DAB1: variants seen among roughly 807,000 people sequenced by gnomAD.
DAB1 encodes DAB adaptor protein 1, also known as disabled homolog 1.
A neutral mutation model predicts 64.6 loss-of-function variants in DAB1; 15 were observed. That is an observed-to-expected ratio of 0.23 (90% confidence interval 0.16 to 0.36). DAB1 has a LOEUF of 0.36. DAB1 is among the 10% of genes least tolerant of loss of function. The pLI is 1.00. For synonymous variants in DAB1, 235 were observed against 251.9 expected (o/e 0.93, Z 0.64); for missense variants, 596 against 706.7 (o/e 0.84, Z 1.78).
intron 5 of DAB1, among the ~76,000 whole-genome samples, chr1:58,065,381 A>C (rs969747117): frequency 6.6e-6 from 1 of 152,244 alleles, no homozygotes; most frequent in Non-Finnish European, 1.5e-5. Flanking sequence ...TCAAGTATAC[A>C]ATACAGTATT....
At chr1:57,001,285 G>A (rs1460798667) in intron 14 of DAB1, among the ~76,000 whole-genome samples, 2 of 151,814 alleles carry the variant, frequency 1.3e-5, no homozygotes, top group Non-Finnish European at 2.9e-5. Context: ...ACATGCTGTT[G>A]ATGTTTTTGT....
chr1:58,498,274 C>T (rs1645839031), intron 3 of DAB1, among the ~76,000 whole-genome samples: 1 of 151,734 alleles, frequency 6.6e-6, no homozygotes, highest in Admixed American at 6.6e-5. Flanking sequence ...CATTGTCTTC[C>T]ATTCTCCTCT....
upstream of DAB1, among the ~76,000 whole-genome samples, chr1:57,884,573 G>A (rs1460405005): frequency 6.6e-6 from 1 of 152,216 alleles, no homozygotes; most frequent in African/African-American, 2.4e-5. Context: ...TAAAGAAAAT[G>A]TATATTTTAA....
intron 1 of DAB1, among the ~76,000 whole-genome samples, chr1:57,373,334 C>T (rs1225048088): frequency 2.0e-5 from 3 of 152,138 alleles, no homozygotes; most frequent in Non-Finnish European, 4.4e-5. Flanking sequence ...TAAATTTTAA[C>T]AACACATAAC....
chr1:58,158,516 CA>C (rs1655339280), intron 4 of DAB1, among the ~76,000 whole-genome samples: 1 of 152,166 alleles, frequency 6.6e-6, no homozygotes, highest in Non-Finnish European at 1.5e-5. Flanking sequence ...TCCAATCTCA[CA>C]CCCCAGACAA....
intron 7 of DAB1, among the ~76,000 whole-genome samples, chr1:57,518,768 C>T (rs1644492020): frequency 6.6e-6 from 1 of 152,206 alleles, no homozygotes; most frequent in Non-Finnish European, 1.5e-5. Flanking sequence ...AAACTAGTCT[C>T]ACATACCCTC....
At chr1:58,180,292 T>TTTTTTTTTTTTTTTTTTTTTTC (rs1557684542) in intron 4 of DAB1, among the ~76,000 whole-genome samples, 1 of 123,832 alleles carries the variant, frequency 8.1e-6, no homozygotes, top group Non-Finnish European at 1.7e-5. Context: ...TTTTTTTTTT[T>TTTTTTTTTTTTTTTTTTTTTTC]TTTTTTTTTT....
chr1:57,344,424 G>C (rs1435366265), intron 1 of DAB1, among the ~76,000 whole-genome samples: 1 of 152,062 alleles, frequency 6.6e-6, no homozygotes, highest in Non-Finnish European at 1.5e-5. Flanking sequence ...TGCATTTGCT[G>C]CTTGTGAATC....
Position 57,467,607 on chromosome 1 carries a change from C to T in DAB1, n.626-176441G>A, listed in dbSNP as rs59240973. On this transcript the variant is annotated intron_variant and non_coding_transcript_variant, in intron 7 of 20. Transcript: ENST00000485760. ...CAAATGGACATATCTATACAGATAT[C>T]TCAACTTTATTAGATTCAGTTCAAC... Among the ~76,000 whole-genome samples the T allele has an allele frequency of 9.0e-3, 1,366 of 152,228 alleles. 23 individuals are homozygous for T. The highest frequency in any genetic ancestry group is 0.03 in the African/African-American group (1,244 of 41,542).
At chr1:57,887,816 A>C (rs1407032572), upstream of DAB1, among the ~76,000 whole-genome samples, 24 of 152,238 alleles carry the variant, frequency 1.6e-4, no homozygotes, top group Non-Finnish European at 1.5e-5. Flanking sequence ...ATGAGCATTA[A>C]AATTAATGGT....
intron 6 of DAB1, among the ~76,000 whole-genome samples, chr1:57,731,162 C>T (rs925847508): frequency 2.0e-5 from 3 of 152,136 alleles, no homozygotes; most frequent in African/African-American, 7.2e-5. Context: ...AATTTTGAGA[C>T]AAGCTACTAC....
At chr1:57,272,972 T>G (rs1443199776) in intron 2 of DAB1, among the ~76,000 whole-genome samples, 1 of 152,208 alleles carries the variant, frequency 6.6e-6, no homozygotes, top group Non-Finnish European at 1.5e-5. Context: ...AGCTGCTTTC[T>G]GTTCCCCCCC....
At chr1:57,466,256 T>C (rs1221343334) in intron 7 of DAB1, among the ~76,000 whole-genome samples, 1 of 152,238 alleles carries the variant, frequency 6.6e-6, no homozygotes, top group Non-Finnish European at 1.5e-5. Flanking sequence ...TATTGGAATT[T>C]GTAATTTCTG....
chr1:57,084,863 C>T (rs1652906329), intron 4 of DAB1, among the ~76,000 whole-genome samples: 1 of 152,314 alleles, frequency 6.6e-6, no homozygotes, highest in Non-Finnish European at 1.5e-5. Flanking sequence ...AAATACACCA[C>T]CAAACCACTG....
intron 3 of DAB1, among the ~76,000 whole-genome samples, chr1:58,352,964 G>A (rs1644072705): frequency 6.6e-6 from 1 of 152,076 alleles, no homozygotes; most frequent in Non-Finnish European, 1.5e-5. Context: ...CCAGAACTGT[G>A]AGAAGTAAAC....
At chr1:57,665,921 A>G (rs924971447) in intron 6 of DAB1, among the ~76,000 whole-genome samples, 1 of 144,466 alleles carries the variant, frequency 6.9e-6, no homozygotes, top group Non-Finnish European at 1.5e-5. Flanking sequence ...AATTTCCTTT[A>G]ATGAGTACAG....
chr1:57,637,566 G>C (rs533607892), intron 7 of DAB1, among the ~76,000 whole-genome samples: 1 of 152,282 alleles, frequency 6.6e-6, no homozygotes, highest in South Asian at 2.1e-4. Context: ...AACCAAGGCA[G>C]GTCGGCAGGT....
At chr1:58,017,806 T>C (rs1458114836) in intron 5 of DAB1, among the ~76,000 whole-genome samples, 1 of 152,134 alleles carries the variant, frequency 6.6e-6, no homozygotes, top group Admixed American at 6.6e-5. Flanking sequence ...AGCTCCCAAC[T>C]GGAGGCACAT....
intron 5 of DAB1, among the ~76,000 whole-genome samples, chr1:58,087,137 C>T (rs1016492489): frequency 6.6e-6 from 1 of 152,142 alleles, no homozygotes; most frequent in Non-Finnish European, 1.5e-5. Context: ...ACAATAATAA[C>T]CCCTGTATAG....
Sources: allele counts gnomAD v4.1 joint callset (sites outside exome capture counted in the v4.1 genomes callset), GRCh38; gene constraint gnomAD v4.1.1; transcripts MANE v1.5; gene names NCBI Gene and HGNC (gene_info 2026-07-23, HGNC 2026-07-21).